NAALADL2: variants seen among roughly 807,000 people sequenced by gnomAD.
NAALADL2 encodes inactive N-acetylated-alpha-linked acidic dipeptidase-like protein 2.
A neutral mutation model predicts 87.2 loss-of-function variants in NAALADL2; 76 were observed. The ratio of observed to expected loss-of-function variants is 0.87; its 90% CI spans 0.72 to 1.05. NAALADL2 has a LOEUF of 1.05. Among genes scored for constraint, NAALADL2 ranks in the 50% least tolerant of loss-of-function variants. NAALADL2 has a pLI of 0.00. For missense variants in NAALADL2, 1,089 were observed against 945.8 expected, an observed-to-expected ratio of 1.15 and a Z score of -1.99; for synonymous variants, 354 against 331.0, an observed-to-expected ratio of 1.07 and a Z score of -0.75.
At chr3:175,347,198 CT>C (rs1763247885) in intron 5 of NAALADL2, among the ~76,000 whole-genome samples, 1 of 152,192 alleles carries the variant, frequency 6.6e-6, no homozygotes, top group Non-Finnish European at 1.5e-5. Flanking sequence ...TCAACTGATA[CT>C]GCTGACATCT....
At chr3:175,730,403 T>G (rs1373679961) in intron 11 of NAALADL2, among the ~76,000 whole-genome samples, 13 of 36,172 alleles carry the variant, frequency 3.6e-4, no homozygotes, top group Admixed American at 1.6e-3. Context: ...CAGATATATA[T>G]ATATATATAT....
chr3:175,637,933 GT>G (rs1728772918), intron 11 of NAALADL2, among the ~76,000 whole-genome samples: 1 of 152,112 alleles, frequency 6.6e-6, no homozygotes, highest in Admixed American at 6.5e-5. Flanking sequence ...TATTACATTA[GT>G]TGCCATATGT....
chr3:174,785,022 T>G (rs1429843835), intron 3 of NAALADL2, among the ~76,000 whole-genome samples: 3 of 152,156 alleles, frequency 2.0e-5, no homozygotes, highest in Admixed American at 1.3e-4. Flanking sequence ...TTAATTTTGT[T>G]ATAATTTTAT....
chr3:174,923,602 A>AT (rs1401864832), intron 1 of NAALADL2, among the ~76,000 whole-genome samples: 3 of 152,112 alleles, frequency 2.0e-5, no homozygotes, highest in Non-Finnish European at 4.4e-5. Flanking sequence ...AAGTAAAATA[A>AT]TTTTCTAAAA....
intron 11 of NAALADL2, among the ~76,000 whole-genome samples, chr3:175,732,567 T>C (rs181277806): frequency 9.0e-4 from 137 of 152,278 alleles, no homozygotes; most frequent in African/African-American, 3.2e-3. Flanking sequence ...ATTATGTTCC[T>C]CTTTGGAGGT....
At chr3:175,694,349 G>A (rs1028686359) in intron 11 of NAALADL2, among the ~76,000 whole-genome samples, 1 of 152,036 alleles carries the variant, frequency 6.6e-6, no homozygotes, top group African/African-American at 2.4e-5. Context: ...TTTTTAAATA[G>A]GGAAATTATT....
At chr3:175,402,421 A>G (rs1770675767) in intron 5 of NAALADL2, among the ~76,000 whole-genome samples, 1 of 152,098 alleles carries the variant, frequency 6.6e-6, no homozygotes, top group African/African-American at 2.4e-5. Flanking sequence ...AATTGCTTTT[A>G]GAGTGATCAT....
At position 174,921,816 on chromosome 3, in the gene NAALADL2, AAAAAAG is replaced by A. The variant is rs1161500876; in HGVS notation, c.43+62383_43+62388del. 3.4e-4 allele frequency among the ~76,000 whole-genome samples: 43 copies of A among 125,614 alleles called. 2 individuals carry two copies. The highest frequency in any genetic ancestry group is 5.2e-4 in the Non-Finnish European group (32 of 61,306). The allele number at this position is 125,614 out of a possible 152,430, so 82.4% of individuals were successfully genotyped here. On this transcript the variant is annotated intron_variant, in intron 1 of 13. Transcript: ENST00000454872. ...CAAGACTCCGTCTCAAAAAAAAAAA[AAAAAAG>A]AAAAAGAAAAAGAAAAGAAAAAAAT...
At chr3:175,318,541 A>G (rs1220133726) in intron 4 of NAALADL2, among the ~76,000 whole-genome samples, 1 of 152,170 alleles carries the variant, frequency 6.6e-6, no homozygotes, top group Non-Finnish European at 1.5e-5. Flanking sequence ...CAGAATACTG[A>G]AAGAAGATAT....
chr3:175,110,961 C>T (rs1039428743), intron 2 of NAALADL2, among the ~76,000 whole-genome samples: 6 of 151,458 alleles, frequency 4.0e-5, no homozygotes, highest in Non-Finnish European at 7.4e-5. Flanking sequence ...AATAAGTGCA[C>T]CTGGATTAGA....
rs1754836730 is a variant in NAALADL2 at position 175,807,788 on chromosome 3, T to TA, written c.*4591dup. ...CTTGTATGAGTTTAAATTGCCAACT[T>TA]AAAAAAGCCTCATTAGAATTTGCTA... On this transcript the variant is annotated 3_prime_UTR_variant, in exon 14 of 14. Transcript: ENST00000454872. 6.6e-6 allele frequency: 1 copy of TA among 151,918 alleles called. No individual in the cohort carries two copies. 9.4% of individuals were successfully genotyped at this position (151,918 alleles called of 1,614,324 possible).
At chr3:174,818,639 G>A (rs1004286885) in intron 3 of NAALADL2, among the ~76,000 whole-genome samples, 2 of 152,006 alleles carry the variant, frequency 1.3e-5, no homozygotes, top group Non-Finnish European at 2.9e-5. Flanking sequence ...GAATTTGCAC[G>A]CCCTAAGAAG....
intron 10 of NAALADL2, among the ~76,000 whole-genome samples, chr3:175,620,752 A>G (rs931837212): frequency 3.3e-5 from 5 of 152,116 alleles, no homozygotes; most frequent in Non-Finnish European, 5.9e-5. Context: ...GTGCCTGCAC[A>G]TGTTGCCGCT....
chr3:175,729,828 A>C (rs5017490), intron 11 of NAALADL2, among the ~76,000 whole-genome samples: 36,035 of 150,048 alleles, frequency 0.24, 4,543 homozygotes, highest in Middle Eastern at 0.33. Context: ...CCATGGTAAC[A>C]TGTAAAACAG....
intron 9 of NAALADL2, among the ~76,000 whole-genome samples, chr3:175,531,033 G>A (rs1021406766): frequency 4.6e-5 from 7 of 152,078 alleles, no homozygotes; most frequent in Admixed American, 2.6e-4. Context: ...CCTGTGAAAG[G>A]CTCCAAACAG....
chr3:175,263,013 A>T (rs1048409384), intron 4 of NAALADL2, among the ~76,000 whole-genome samples: 2 of 147,558 alleles, frequency 1.4e-5, no homozygotes, highest in Non-Finnish European at 3.0e-5. Flanking sequence ...AAAAAAAAAA[A>T]CAAAAAACAA....
chr3:174,942,283 G>A (rs984190815), intron 1 of NAALADL2, among the ~76,000 whole-genome samples: 2 of 151,928 alleles, frequency 1.3e-5, no homozygotes, highest in African/African-American at 2.4e-5. Context: ...TTTTCCTTTT[G>A]CTTAGGAAGC....
At chr3:175,294,890 G>A (rs1756124270) in intron 4 of NAALADL2, among the ~76,000 whole-genome samples, 2 of 152,294 alleles carry the variant, frequency 1.3e-5, no homozygotes, top group Non-Finnish European at 2.9e-5. Flanking sequence ...TCGCTATAGT[G>A]CAGTCCACCC....
chr3:175,315,711 A>C (rs1759056826), intron 4 of NAALADL2, among the ~76,000 whole-genome samples: 1 of 152,204 alleles, frequency 6.6e-6, no homozygotes, highest in African/African-American at 2.4e-5. Flanking sequence ...AGAGCTGAAA[A>C]GGAAGAAAGG....
Sources: gnomAD v4.1 joint callset for allele counts (sites outside exome capture counted in the v4.1 genomes callset) on GRCh38, gnomAD v4.1.1 for gene constraint, MANE v1.5 for transcripts, NCBI Gene and HGNC (gene_info 2026-07-23, HGNC 2026-07-21) for gene names.